Variants in KDM1A observed in about 807,000 individuals in gnomAD.
KDM1A encodes the protein lysine-specific histone demethylase 1A.
In KDM1A, 49 loss-of-function variants were observed where a neutral mutation model predicts 109.4. The ratio of observed to expected loss-of-function variants is 0.45; its 90% CI spans 0.36 to 0.57. The LOEUF (loss-of-function observed/expected upper bound fraction) is 0.57, where lower values mean the gene tolerates loss of function less well. Among genes scored for constraint, KDM1A ranks in the 20% least tolerant of loss-of-function variants. The probability of loss-of-function intolerance (pLI) is 0.00; values close to 1 mark genes in which losing one functional copy is unlikely to be tolerated. For synonymous variants in KDM1A, 380 were observed against 415.4 expected (o/e 0.91, Z 1.04); for missense variants, 668 against 1,116.6 (o/e 0.60, Z 5.73).
intron 9 of KDM1A, among the ~76,000 whole-genome samples, chr1:23,063,186 GCT>G (rs1328539504): frequency 8.1e-6 from 1 of 123,506 alleles, no homozygotes; most frequent in Non-Finnish European, 1.6e-5. Flanking sequence ...TTCCCACAGT[GCT>G]GTAGCATTGG....
At chr1:23,063,252 G>A (rs1056940095) in intron 9 of KDM1A, among the ~76,000 whole-genome samples, 2 of 134,148 alleles carry the variant, frequency 1.5e-5, no homozygotes, top group East Asian at 4.7e-4. Context: ...GTGTGTGTGT[G>A]TGTACCAGCT....
At chr1:23,061,525 G>A (rs1465839007) in intron 9 of KDM1A, among the ~76,000 whole-genome samples, 1 of 152,126 alleles carries the variant, frequency 6.6e-6, no homozygotes, top group Non-Finnish European at 1.5e-5. Context: ...CTCAAATTTG[G>A]GAAGGGATTC....
intron 3 of KDM1A, among the ~76,000 whole-genome samples, chr1:23,044,961 A>G (rs563599527): frequency 2.0e-5 from 3 of 152,266 alleles, no homozygotes; most frequent in Admixed American, 2.0e-4. Context: ...GGTATTGGGT[A>G]CCTTTTTTCA....
rs373332421 is a variant in KDM1A at position 23,083,119 on chromosome 1, A to G, written c.2446-60A>G. 26 of 1,467,514 alleles carry G rather than the reference A, an allele frequency of 1.8e-5. No individual in the cohort carries two copies. The East Asian group carries it at 5.3e-4, about 30-fold the overall frequency. 90.9% of individuals were successfully genotyped at this position (1,467,514 alleles called of 1,614,324 possible). A position where few individuals can be genotyped will look rare whatever the true frequency, so the allele number is the denominator to read the frequency against. The stretch of plus-strand genomic sequence containing the variant: ...CAGCAATTTAAGTACTTAGCAATTT[A>G]AGTACAAGAATAAAGGTATATGTGC... On this transcript the variant is annotated intron_variant, in intron 20 of 20. Transcript: ENST00000400181.
chr1:23,030,026 GTTTTTGGAAT>G (rs1641933807), intron 1 of KDM1A, among the ~76,000 whole-genome samples: 1 of 152,176 alleles, frequency 6.6e-6, no homozygotes, highest in South Asian at 2.1e-4. Context: ...CCTCCATTTG[GTTTTTGGAAT>G]TTTTTTGCTA....
intron 14 of KDM1A, among the ~76,000 whole-genome samples, 194 bp downstream of exon 14, chr1:23,072,391 T>TA (rs934720613): frequency 6.6e-6 from 1 of 152,228 alleles, no homozygotes; most frequent in African/African-American, 2.4e-5. Flanking sequence ...GTGTCCTAGA[T>TA]ACCTAAACAG....
At chr1:23,023,017 G>A (rs1238954806) in intron 1 of KDM1A, among the ~76,000 whole-genome samples, 1 of 152,142 alleles carries the variant, frequency 6.6e-6, no homozygotes, top group Non-Finnish European at 1.5e-5. Flanking sequence ...CCTATTGGGG[G>A]TAAAGTGGTA....
Position 23,073,411 on chromosome 1 carries a change from T to TC in KDM1A, c.1734+11dup. The TC allele has an allele frequency of 7.0e-7, 1 of 1,436,578 alleles. No individual in the cohort carries two copies. Among genetic ancestry groups the TC allele is most frequent in the Non-Finnish European group, 9.8e-7 (1 of 1,019,430 alleles). 89.0% of individuals were successfully genotyped at this position (1,436,578 alleles called of 1,614,324 possible). A position where few individuals can be genotyped will look rare whatever the true frequency, so the allele number is the denominator to read the frequency against. On this transcript the variant is annotated intron_variant, in intron 15 of 20. Coordinates refer to ENST00000400181, the MANE Select transcript of KDM1A (RefSeq NM_001009999.3). Reference sequence around the variant, plus strand: ...CTTAAGCACTGGGATCAGGTAAGTTTCCCTTATTGTTTATTTTATTGCACA... The same window carrying TC: ...CTTAAGCACTGGGATCAGGTAAGTTTCCCCTTATTGTTTATTTTATTGCACA...
At chr1:23,064,337 C>G (rs909743928) in intron 9 of KDM1A, among the ~76,000 whole-genome samples, 1 of 152,212 alleles carries the variant, frequency 6.6e-6, no homozygotes, top group African/African-American at 2.4e-5. Flanking sequence ...ACCAAATGAA[C>G]TAATCTTAAT....
At chr1:23,033,663 T>A (rs754745510) in intron 2 of KDM1A, among the ~76,000 whole-genome samples, 7 of 152,240 alleles carry the variant, frequency 4.6e-5, no homozygotes, top group Non-Finnish European at 1.0e-4. Flanking sequence ...ATTTTGTTAA[T>A]TATGAAAGCA....
intron 2 of KDM1A, 143 bp downstream of exon 2, chr1:23,030,777 T>TTGTGTGTGTGTATACATATACATGTA (rs1553125643): frequency 1.1e-4 from 91 of 818,252 alleles, no homozygotes; most frequent in African/African-American, 9.1e-4. Flanking sequence ...ATGTGTGTCT[T>TTGTGTGTGTGTATACATATACATGTA]TGTGTGTGTG....
Position 23,037,469 on chromosome 1 carries a change from T to A in KDM1A, c.517+6835T>A, listed in dbSNP as rs182015436. Among the ~76,000 whole-genome samples, 105 of 152,310 alleles carry A rather than the reference T, an allele frequency of 6.9e-4. 1 individual carries two copies. The highest frequency in any genetic ancestry group is 3.4e-4 in the Non-Finnish European group (23 of 68,018). On this transcript the variant is annotated intron_variant, in intron 2 of 20. Transcript: ENST00000400181. ...ATTGTATTTATCATGTACAGCGTGA[T>A]GTTTTGAAGTATAAATACATTGCAG...
In KDM1A at chr1:23,079,571, C is replaced by A; in HGVS notation, c.2074C>A (p.Arg692=). 3.1e-6 allele frequency: 5 copies of A among 1,613,492 alleles called. No homozygotes were observed. Among genetic ancestry groups the A allele is most frequent in the South Asian group, 1.1e-5 (1 of 90,974 alleles). ...ATGGTAGGTGGTGTTGTGTTTTGATCGGGTGTTCTGGGATCCAAGTGTCAA... is the reference window on the plus strand; with the variant it reads ...ATGGTAGGTGGTGTTGTGTTTTGATAGGGTGTTCTGGGATCCAAGTGTCAA... ...NLNKVVLCFD[R]VFWDPSVNLF... The change falls in exon 18 of 21, where the codon CGG becomes AGG. Residue 692 remains arginine (R), a synonymous_variant. Coordinates refer to ENST00000400181, the MANE Select transcript of KDM1A (RefSeq NM_001009999.3). This position sits in a 1 kb window ranked among gnomAD's most constrained non-coding sequence, Gnocchi z 5.6.
chr1:23,055,158 C>G lies in KDM1A; in HGVS notation c.880C>G (p.Pro294Ala). 1.9e-6 allele frequency: 3 copies of G among 1,594,202 alleles called. No individual in the cohort carries two copies. The highest frequency in any genetic ancestry group is 2.6e-6 in the Non-Finnish European group (3 of 1,167,312). The change falls in exon 6 of 21, where the codon CCA becomes GCA. Residue 294 changes from proline (P) to alanine (A), a missense_variant. Transcript: ENST00000400181. Reference sequence around the variant, plus strand: ...CATCTATAAGAGGATAAAACCCCTACCAAGTAAGGACCTCCTACCTGGCTG... The same window carrying G: ...CATCTATAAGAGGATAAAACCCCTAGCAAGTAAGGACCTCCTACCTGGCTG... ...FGIYKRIKPL[P>A]TKKTGKVIII...
At chr1:23,063,212 T>TG (rs1643057930) in intron 9 of KDM1A, among the ~76,000 whole-genome samples, 18 of 23,764 alleles carry the variant, frequency 7.6e-4, no homozygotes, top group Non-Finnish European at 1.0e-3. Flanking sequence ...GGGGGTGTGG[T>TG]GTGGGGTGGG....
At position 23,019,576 on chromosome 1, in the gene KDM1A, T is replaced by C. The variant is rs777716646; in HGVS notation, c.-21T>C. The C allele has an allele frequency of 1.4e-6, 2 of 1,398,898 alleles. No homozygotes were observed. The highest frequency in any genetic ancestry group is 1.8e-6 in the Non-Finnish European group (2 of 1,084,742). The allele number at this position is 1,398,898 out of a possible 1,614,324, so 86.7% of individuals were successfully genotyped here. A position where few individuals can be genotyped will look rare whatever the true frequency, so the allele number is the denominator to read the frequency against. ...ACAGAGCGAGCGGCCCCTACGGCCGTCGGCGGCCCGGCGGCCCGAGATGTT... is the reference window on the plus strand; with the variant it reads ...ACAGAGCGAGCGGCCCCTACGGCCGCCGGCGGCCCGGCGGCCCGAGATGTT... On this transcript the variant is annotated 5_prime_UTR_variant, in exon 1 of 21. Coordinates refer to ENST00000400181, the MANE Select transcript of KDM1A (RefSeq NM_001009999.3).
intron 20 of KDM1A, chr1:23,082,754 A>C (rs752631513): frequency 2.5e-5 from 5 of 197,532 alleles, no homozygotes; most frequent in Non-Finnish European, 4.2e-5. Flanking sequence ...CTAGACCCTT[A>C]TGCCAGACCC....
intron 1 of KDM1A, among the ~76,000 whole-genome samples, chr1:23,025,983 C>T (rs1267982412): frequency 3.3e-5 from 5 of 152,086 alleles, no homozygotes; most frequent in Admixed American, 2.6e-4. Context: ...CCTAGCTACT[C>T]AGGAGGCTGA....
chr1:23,032,990 C>T (rs1642033781), intron 2 of KDM1A, among the ~76,000 whole-genome samples: 1 of 152,184 alleles, frequency 6.6e-6, no homozygotes, highest in Non-Finnish European at 1.5e-5. Context: ...ACCCCTGCCT[C>T]CCGGGTTAAG....
Sources: gnomAD v4.1 joint callset for allele counts (sites outside exome capture counted in the v4.1 genomes callset) on GRCh38, gnomAD v4.1.1 for gene constraint, Gnocchi (gnomAD v3.1) non-coding constraint, MANE v1.5 for transcripts, NCBI Gene and HGNC (gene_info 2026-07-23, HGNC 2026-07-21) for gene names.